CDH18: variants seen among roughly 807,000 people sequenced by gnomAD.
CDH18 encodes the protein cadherin-18.
A neutral mutation model predicts 67.9 loss-of-function variants in CDH18; 31 were observed. The ratio of observed to expected loss-of-function variants is 0.46; its 90% CI spans 0.34 to 0.62. CDH18 has a LOEUF of 0.62. Among genes scored for constraint, CDH18 ranks in the 20% least tolerant of loss-of-function variants. CDH18 has a pLI of 0.01. For missense variants in CDH18, 890 were observed against 975.5 expected, an observed-to-expected ratio of 0.91 and a Z score of 1.17; for synonymous variants, 362 against 347.2, an observed-to-expected ratio of 1.04 and a Z score of -0.48.
At chr5:19,573,301 C>T (rs953304322) in intron 7 of CDH18, among the ~76,000 whole-genome samples, 5 of 148,706 alleles carry the variant, frequency 3.4e-5, no homozygotes, top group East Asian at 2.0e-4. Context: ...TTTTTTGAGA[C>T]GGAGTCTCTC....
chr5:19,824,516 A>G (rs1780209470), intron 3 of CDH18, among the ~76,000 whole-genome samples: 1 of 152,214 alleles, frequency 6.6e-6, no homozygotes. Flanking sequence ...GCTTCTAGAC[A>G]GGCAGAGAGC....
rs533835623 is a variant in CDH18, at chr5:20,337,873, G to T, written c.-579-82368C>A. Among the ~76,000 whole-genome samples the T allele has an allele frequency of 3.3e-5, 5 of 152,316 alleles. No individual in the cohort carries two copies. The East Asian group carries it at 7.7e-4, about 24-fold the overall frequency. On this transcript the variant is annotated intron_variant, in intron 1 of 14. Coordinates refer to the CDH18 transcript ENST00000507958. ...AACTGGGCAATTTACAAAAGAAAGA[G>T]ATTTAATTGCACTTACAGTTCCACG...
intron 2 of CDH18, among the ~76,000 whole-genome samples, chr5:20,209,936 A>AC (rs1197312407): frequency 2.0e-5 from 3 of 151,498 alleles, no homozygotes; most frequent in South Asian, 2.1e-4. Context: ...TATCACATGT[A>AC]CCCCCAAAAT....
chr5:20,540,990 T>A (rs1346286174), intron 1 of CDH18, among the ~76,000 whole-genome samples: 1 of 152,192 alleles, frequency 6.6e-6, no homozygotes, highest in Non-Finnish European at 1.5e-5. Flanking sequence ...AGTTCTATTC[T>A]CACACTCTTG....
chr5:20,311,440 T>G (rs1053056782), intron 1 of CDH18, among the ~76,000 whole-genome samples: 1 of 152,134 alleles, frequency 6.6e-6, no homozygotes, highest in Non-Finnish European at 1.5e-5. Context: ...ATGTGGCACA[T>G]ATACACATGG....
At chr5:19,879,443 G>C (rs1248968341) in intron 2 of CDH18, among the ~76,000 whole-genome samples, 1 of 151,940 alleles carries the variant, frequency 6.6e-6, no homozygotes, top group African/African-American at 2.4e-5. Flanking sequence ...AAATGTTCTA[G>C]TTCACTGTTT....
chr5:20,374,422 T>C (rs950962628), intron 1 of CDH18, among the ~76,000 whole-genome samples: 4 of 152,174 alleles, frequency 2.6e-5, no homozygotes, highest in Non-Finnish European at 4.4e-5. Flanking sequence ...CTATCAAAGG[T>C]AGTTAGGTCT....
intron 3 of CDH18, among the ~76,000 whole-genome samples, chr5:19,792,756 A>G (rs542557130): frequency 6.6e-6 from 1 of 152,308 alleles, no homozygotes; most frequent in East Asian, 1.9e-4. Flanking sequence ...GCATGAAAAA[A>G]GTATCAGAAT....
intron 1 of CDH18, among the ~76,000 whole-genome samples, chr5:20,562,794 A>G (rs911195062): frequency 1.3e-5 from 2 of 152,038 alleles, no homozygotes; most frequent in African/African-American, 2.4e-5. Flanking sequence ...ATAGCATTTA[A>G]TAGGAACAAT....
chr5:20,025,770 C>T (rs899739789), intron 2 of CDH18, among the ~76,000 whole-genome samples: 2 of 152,166 alleles, frequency 1.3e-5, no homozygotes, highest in Admixed American at 1.3e-4. Flanking sequence ...TCAGGTGTTC[C>T]TCATTGTTAG....
At chr5:20,142,027 T>C (rs1176943329) in intron 2 of CDH18, among the ~76,000 whole-genome samples, 2 of 151,866 alleles carry the variant, frequency 1.3e-5, no homozygotes, top group African/African-American at 4.8e-5. Flanking sequence ...AATATACAAG[T>C]AGAAAAGCTG....
intron 7 of CDH18, among the ~76,000 whole-genome samples, chr5:19,584,805 A>AAG: frequency 6.7e-6 from 1 of 148,624 alleles, no homozygotes; most frequent in South Asian, 2.1e-4. Flanking sequence ...AAAAAAAAAA[A>AAG]AAAAAAAGAA....
At chr5:20,299,119 G>A (rs1747759713) in intron 1 of CDH18, among the ~76,000 whole-genome samples, 1 of 152,046 alleles carries the variant, frequency 6.6e-6, no homozygotes, top group South Asian at 2.1e-4. Context: ...GGTGTAACTT[G>A]GTCTGAGGCT....
At chr5:19,820,167 A>G (rs184026108) in intron 3 of CDH18, among the ~76,000 whole-genome samples, 1 of 152,240 alleles carries the variant, frequency 6.6e-6, no homozygotes, top group African/African-American at 2.4e-5. Context: ...GTGTGCTGGC[A>G]TGGGAGTTGG....
At chr5:19,782,939 T>C (rs1775298458) in intron 3 of CDH18, among the ~76,000 whole-genome samples, 1 of 152,202 alleles carries the variant, frequency 6.6e-6, no homozygotes, top group Non-Finnish European at 1.5e-5. Flanking sequence ...AATATATCAA[T>C]ATTTGTGGAT....
At chr5:19,522,894 CAAAAAA>C (rs36099222) in intron 9 of CDH18, among the ~76,000 whole-genome samples, 3 of 83,848 alleles carry the variant, frequency 3.6e-5, no homozygotes, top group African/African-American at 4.7e-5. Context: ...GACTCCTTCT[CAAAAAA>C]AAAAAAAAAA....
chr5:20,452,608 G>A (rs536916312), intron 1 of CDH18, among the ~76,000 whole-genome samples: 1 of 152,078 alleles, frequency 6.6e-6, no homozygotes, highest in African/African-American at 2.4e-5. Flanking sequence ...GCAGATTTGA[G>A]GGTGGAGGGT....
intron 1 of CDH18, among the ~76,000 whole-genome samples, chr5:20,532,684 C>T (rs1483739325): frequency 6.6e-6 from 1 of 152,014 alleles, no homozygotes; most frequent in Non-Finnish European, 1.5e-5. Flanking sequence ...CATGTCTTTT[C>T]TCTGCCAATA....
intron 2 of CDH18, among the ~76,000 whole-genome samples, chr5:20,224,520 G>GA (rs1554104510): frequency 6.8e-6 from 1 of 148,060 alleles, no homozygotes; most frequent in Non-Finnish European, 1.5e-5. Context: ...AAATCCTTAG[G>GA]TTTTTTTTTT....
Sources: gnomAD v4.1 joint callset for allele counts (sites outside exome capture counted in the v4.1 genomes callset) on GRCh38, gnomAD v4.1.1 for gene constraint, MANE v1.5 for transcripts, NCBI Gene and HGNC (gene_info 2026-07-23, HGNC 2026-07-21) for gene names.